The following CAND2 variants were observed in gnomAD, a reference collection of about 807,000 sequenced individuals.
CAND2 encodes cullin associated and neddylation dissociated 2 (putative).
Under a neutral mutation model 98.9 loss-of-function variants are expected in CAND2, and 62 were observed. The observed-to-expected ratio is 0.63, with a 90% CI of 0.51 to 0.77. CAND2 has a LOEUF of 0.77. Ranked by LOEUF, CAND2 falls within the 30% of genes least tolerant of loss-of-function variation. The pLI, the probability that CAND2 is intolerant of heterozygous loss-of-function variation, is 0.00. For synonymous variants in CAND2, 770 were observed against 731.9 expected (o/e 1.05, Z -0.84); for missense variants, 1,501 against 1,655.2 (o/e 0.91, Z 1.62).
rs75387493 is a variant in CAND2 at position 12,831,496 on chromosome 3, C to T, written c.3407C>T (p.Ala1136Val). ...ACCTTCATCATGGTTGCCCGGCTGG[C>T]CACCCTGTGTCCTGCACCTGTCCTG... ...MLTFIMVARL[A>V]TLCPAPVLQR... Residue 1136 changes from alanine (A) to valine (V), a missense_variant, in exon 14 of 15, where the codon GCC becomes GTC. Transcript: ENST00000456430. The T allele has an allele frequency of 1.9e-3, 3,101 of 1,614,084 alleles. 90 individuals carry two copies. The East Asian group carries it at 0.06, about 31-fold the overall frequency.
rs2061893061 is a variant in CAND2 at position 12,815,685 on chromosome 3, A to G, written c.1300-182A>G. Reference sequence around the variant, plus strand: ...TAAAATGGACGCAGAAAATTTGCCTACTCTCCAAGGGTCTGTGTGCGGTCA... The same window carrying G: ...TAAAATGGACGCAGAAAATTTGCCTGCTCTCCAAGGGTCTGTGTGCGGTCA... On this transcript the variant is annotated intron_variant, in intron 8 of 14. Transcript: ENST00000456430. This position sits in a 1 kb window ranked among gnomAD's most constrained non-coding sequence, Gnocchi z 5.7. 6.6e-6 allele frequency among the ~76,000 whole-genome samples: 1 copy of G among 151,790 alleles called. No individual in the cohort carries two copies. The highest frequency in any genetic ancestry group is 2.4e-5 in the African/African-American group (1 of 41,268).
chr3:12,811,125 G>T (rs1284274166), intron 5 of CAND2, among the ~76,000 whole-genome samples: 6 of 120,578 alleles, frequency 5.0e-5, no homozygotes, highest in Admixed American at 1.5e-4. Flanking sequence ...GGCGGGGGGT[G>T]GGGGGGGGAA....
At chr3:12,830,310 G>C (rs1476078618) in intron 13 of CAND2, among the ~76,000 whole-genome samples, 1 of 152,244 alleles carries the variant, frequency 6.6e-6, no homozygotes, top group Admixed American at 6.5e-5. Flanking sequence ...AGTGGAAAAT[G>C]ATGGGGCGCA....
rs1319876689 is a variant in CAND2, at chr3:12,834,299, C to G, written c.*317C>G. 5 of 334,926 alleles carry G rather than the reference C, an allele frequency of 1.5e-5. No individual in the cohort carries two copies. Among genetic ancestry groups the G allele is most frequent in the South Asian group, 4.9e-5 (1 of 20,594 alleles). The allele number at this position is 334,926 out of a possible 1,614,324, so 20.7% of individuals were successfully genotyped here. A position where few individuals can be genotyped will look rare whatever the true frequency, so the allele number is the denominator to read the frequency against. On this transcript the variant is annotated 3_prime_UTR_variant, in exon 15 of 15. Coordinates refer to ENST00000456430, the MANE Select transcript of CAND2 (RefSeq NM_001162499.2). Reference sequence around the variant, plus strand: ...TCTGTCTGGTTCCTTCAGAGGGTGTCTCTGCCTCACAAACTAGTAGTATTT... The same window carrying G: ...TCTGTCTGGTTCCTTCAGAGGGTGTGTCTGCCTCACAAACTAGTAGTATTT...
chr3:12,833,345 C>T (rs116554420), intron 14 of CAND2, among the ~76,000 whole-genome samples: 4 of 152,228 alleles, frequency 2.6e-5, no homozygotes, highest in Non-Finnish European at 4.4e-5. Context: ...AGAAGACCAT[C>T]GCAGTGATCC....
intron 4 of CAND2, among the ~76,000 whole-genome samples, chr3:12,809,054 G>C (rs1248363592): frequency 2.6e-5 from 4 of 152,172 alleles, no homozygotes; most frequent in African/African-American, 7.2e-5. Flanking sequence ...GACTGGTTAA[G>C]AGGCTGCTAT....
chr3:12,822,214 G>T (rs541609965), intron 11 of CAND2, among the ~76,000 whole-genome samples: 4 of 151,622 alleles, frequency 2.6e-5, no homozygotes. Flanking sequence ...ACTTCATTCC[G>T]TGGGCTATAC....
rs1015397900 is a variant in CAND2 at position 12,816,953 on chromosome 3, C to T, written c.2021C>T (p.Ala674Val). Residue 674 changes from alanine (A) to valine (V), a missense_variant, in exon 10 of 15, where the codon GCA (alanine) becomes GTA (valine). By Grantham distance (64) the Ala-to-Val change is moderately conservative. Transcript: ENST00000456430. ...CGGGCTTTGCGACTGGCCACACTGG[C>T]AGCCCTGGACGCCCTGGCCCAGAGC... ...NQRALRLATL[A>V]ALDALAQSQG... 3 of 1,613,228 alleles carry T rather than the reference C, an allele frequency of 1.9e-6. No homozygotes were observed. Among genetic ancestry groups the T allele is most frequent in the Non-Finnish European group, 2.5e-6 (3 of 1,179,918 alleles).
At chr3:12,810,536 G>C (rs2061844290) in intron 5 of CAND2, among the ~76,000 whole-genome samples, 1 of 152,224 alleles carries the variant, frequency 6.6e-6, no homozygotes, top group South Asian at 2.1e-4. Context: ...CGCAGAGGTT[G>C]GGGCCGGATA....
At chr3:12,800,876 C>T (rs1227725980) in intron 1 of CAND2, among the ~76,000 whole-genome samples, 1 of 151,390 alleles carries the variant, frequency 6.6e-6, no homozygotes, top group Non-Finnish European at 1.5e-5. Flanking sequence ...GTGTGCACCA[C>T]CATACCTGGC....
chr3:12,827,913 G>A (rs892884341), intron 13 of CAND2, among the ~76,000 whole-genome samples: 3 of 151,694 alleles, frequency 2.0e-5, no homozygotes, highest in Non-Finnish European at 4.4e-5. Context: ...AGCCCAGGAG[G>A]TTGAGGCTGC....
rs181607784 is a variant in CAND2 at position 12,811,127 on chromosome 3, G to C, written c.757+803G>C. On this transcript the variant is annotated intron_variant, in intron 5 of 14. Transcript: ENST00000456430. Reference sequence around the variant, plus strand: ...CTTGCAGGCACACGGCGGGGGGTGGGGGGGGGAACCCCAGCTGACATGGCC... The same window carrying C: ...CTTGCAGGCACACGGCGGGGGGTGGCGGGGGGAACCCCAGCTGACATGGCC... Among the ~76,000 whole-genome samples, 8 of 152,114 alleles carry C rather than the reference G, an allele frequency of 5.3e-5. No homozygotes were observed. In the East Asian group the frequency reaches 1.4e-3, roughly 26 times the overall value.
In CAND2 at chr3:12,816,483, A is replaced by T. The variant is rs756415990; in HGVS notation, c.1551A>T (p.Pro517=). 7 of 1,613,730 alleles carry T rather than the reference A, an allele frequency of 4.3e-6. No homozygotes were observed. Among genetic ancestry groups the T allele is most frequent in the Non-Finnish European group, 5.9e-6 (7 of 1,179,964 alleles). ...CCGAACCAGCTGAGGCCTTCCACCCACACTTGCCTATCCTCCTGCCACCTG... is the reference window on the plus strand; with the variant it reads ...CCGAACCAGCTGAGGCCTTCCACCCTCACTTGCCTATCCTCCTGCCACCTG... The part of the protein sequence containing the change: ...LGTEPAEAFH[P]HLPILLPPVM... The change falls in exon 10 of 15, where the codon CCA becomes CCT. Residue 517 remains proline (P), a synonymous_variant. Coordinates refer to ENST00000456430, the MANE Select transcript of CAND2 (RefSeq NM_001162499.2).
intron 10 of CAND2, among the ~76,000 whole-genome samples, chr3:12,818,535 G>C (rs985195796): frequency 2.6e-5 from 4 of 152,358 alleles, no homozygotes; most frequent in South Asian, 4.1e-4. Flanking sequence ...TGGCACACCA[G>C]GTGTCTTAGC....
At chr3:12,827,391 G>A in intron 12 of CAND2, 49 bp from the exon 13 acceptor site, 1 of 1,547,496 alleles carries the variant, frequency 6.5e-7, no homozygotes, top group South Asian at 1.2e-5. Flanking sequence ...GCTAGAAGAG[G>A]TGTCCTTACA....
intron 1 of CAND2, among the ~76,000 whole-genome samples, chr3:12,797,461 T>C (rs2061734897): frequency 6.6e-6 from 1 of 151,984 alleles, no homozygotes; most frequent in South Asian, 2.1e-4. Context: ...GGGTGGGACC[T>C]TCTAGGTTTT....
At position 12,815,847 on chromosome 3, in the gene CAND2, C is replaced by T; in HGVS notation, c.1300-20C>T. ...TTTCTTGGGTGTTCCCTGACCTTGA[C>T]TTCCCCCTCCTGCCCACAGGTGCCC... is the stretch of plus-strand genomic sequence containing the variant. On this transcript the variant is annotated intron_variant, in intron 8 of 14. Coordinates refer to ENST00000456430, the MANE Select transcript of CAND2 (RefSeq NM_001162499.2). This position sits in a 1 kb window ranked among gnomAD's most constrained non-coding sequence, Gnocchi z 5.7. 6.2e-7 allele frequency: 1 copy of T among 1,607,468 alleles called. No homozygotes were observed.
intron 2 of CAND2, 26 bp downstream of exon 2, chr3:12,803,657 G>C: frequency 6.3e-7 from 1 of 1,577,264 alleles, no homozygotes; most frequent in Non-Finnish European, 8.6e-7. Flanking sequence ...GGTGGAGCAG[G>C]AGAGGGGGCC....
At chr3:12,816,047 C>A in intron 9 of CAND2, 39 bp downstream of exon 9, 1 of 1,593,090 alleles carries the variant, frequency 6.3e-7, no homozygotes, top group Non-Finnish European at 8.6e-7. Flanking sequence ...TGTTCTGGGC[C>A]ACTTCCAGAA....
Sources: gnomAD v4.1 joint callset for allele counts (sites outside exome capture counted in the v4.1 genomes callset) on GRCh38, gnomAD v4.1.1 for gene constraint, Gnocchi (gnomAD v3.1) non-coding constraint, MANE v1.5 for transcripts, NCBI Gene and HGNC (gene_info 2026-07-23, HGNC 2026-07-21) for gene names.